The following CSMD3 variants were observed in gnomAD, a reference collection of about 807,000 sequenced individuals.
CSMD3 encodes CUB and sushi domain-containing protein 3.
A neutral mutation model predicts 435.2 loss-of-function variants in CSMD3; 177 were observed. That is an observed-to-expected ratio of 0.41 (90% CI 0.36 to 0.46). CSMD3 has a LOEUF of 0.46. Ranked by LOEUF, CSMD3 falls within the 20% of genes least tolerant of loss-of-function variation. CSMD3 has a pLI of 0.34. For synonymous variants in CSMD3, 1,656 were observed against 1,520.5 expected (o/e 1.09, Z -2.07); for missense variants, 4,265 against 4,504.6 (o/e 0.95, Z 1.52).
intron 3 of CSMD3, among the ~76,000 whole-genome samples, chr8:113,235,407 T>C (rs1270471435): frequency 6.6e-6 from 1 of 152,132 alleles, no homozygotes; most frequent in Admixed American, 6.6e-5. Context: ...TATTCCATAG[T>C]CATAGCCAGA....
intron 10 of CSMD3, among the ~76,000 whole-genome samples, chr8:112,894,149 A>T (rs762504867): frequency 6.6e-6 from 1 of 151,466 alleles, no homozygotes; most frequent in Non-Finnish European, 1.5e-5. Context: ...TTTACTTACC[A>T]CTTCAAGTTC....
intron 3 of CSMD3, among the ~76,000 whole-genome samples, chr8:113,206,513 T>C (rs2092772755): frequency 6.6e-6 from 1 of 152,124 alleles, no homozygotes. Flanking sequence ...CGATGATTCC[T>C]TAATTGGATG....
chr8:113,276,595 C>A (rs1320394496), intron 3 of CSMD3, among the ~76,000 whole-genome samples: 1 of 152,020 alleles, frequency 6.6e-6, no homozygotes, highest in Non-Finnish European at 1.5e-5. Flanking sequence ...TCCCCAAAAC[C>A]TTTGGATACA....
chr8:112,321,915 A>C lies in CSMD3; in HGVS notation c.7166-1934T>G, dbSNP rs140384281. ...TGGATAGTAATTAGGAATTTTGACA[A>C]TTGTTTTCCTGAACTTATACTTTAA... On this transcript the variant is annotated intron_variant, in intron 45 of 70. Coordinates refer to ENST00000297405, the MANE Select transcript of CSMD3 (RefSeq NM_198123.2). Among the ~76,000 whole-genome samples the C allele has an allele frequency of 1.5e-4, 22 of 151,444 alleles. 1 individual carries two copies. In the East Asian group the frequency reaches 4.1e-3, roughly 28 times the overall value.
At chr8:113,024,863 A>G (rs1397422285) in intron 5 of CSMD3, among the ~76,000 whole-genome samples, 3 of 152,134 alleles carry the variant, frequency 2.0e-5, no homozygotes, top group Non-Finnish European at 4.4e-5. Context: ...GTAATTTCTC[A>G]TCATCCACCC....
At chr8:113,405,543 T>C (rs1213771226) in intron 1 of CSMD3, among the ~76,000 whole-genome samples, 1 of 151,566 alleles carries the variant, frequency 6.6e-6, no homozygotes, top group East Asian at 1.9e-4. Context: ...CAAATTATAG[T>C]AATGAGAGGA....
intron 3 of CSMD3, among the ~76,000 whole-genome samples, chr8:113,188,631 G>A (rs916261265): frequency 1.3e-4 from 20 of 151,942 alleles, no homozygotes; most frequent in Admixed American, 4.6e-4. Flanking sequence ...CTAAAAGTAT[G>A]GGAGAAAATT....
chr8:113,402,051 A>G (rs982789097), intron 1 of CSMD3, among the ~76,000 whole-genome samples: 1 of 151,532 alleles, frequency 6.6e-6, no homozygotes, highest in Non-Finnish European at 1.5e-5. Flanking sequence ...AAATTCCTGT[A>G]AAGGTTTTTA....
At chr8:113,289,325 T>C (rs2093668313) in intron 2 of CSMD3, among the ~76,000 whole-genome samples, 1 of 151,790 alleles carries the variant, frequency 6.6e-6, no homozygotes, top group African/African-American at 2.4e-5. Context: ...AAACTTGGAG[T>C]ATTTGGGATA....
intron 54 of CSMD3, 143 bp from the exon 55 acceptor site, chr8:112,292,853 A>G (rs1291182307): frequency 2.7e-6 from 2 of 736,294 alleles, no homozygotes; most frequent in Non-Finnish European, 4.7e-6. Context: ...TACGGAAAGT[A>G]CATTTACTAA....
At chr8:113,401,290 C>T (rs942667666) in intron 1 of CSMD3, among the ~76,000 whole-genome samples, 3 of 151,454 alleles carry the variant, frequency 2.0e-5, no homozygotes, top group African/African-American at 7.3e-5. Flanking sequence ...TGAGCAGATT[C>T]CAAGAGATAA....
At chr8:112,746,318 C>T (rs1366593090) in intron 13 of CSMD3, among the ~76,000 whole-genome samples, 3 of 152,108 alleles carry the variant, frequency 2.0e-5, no homozygotes, top group Admixed American at 6.6e-5. Context: ...GCTTCCTGGT[C>T]TTGGTTTCTT....
chr8:112,650,074 T>C (rs2075085394), intron 19 of CSMD3, 87 bp downstream of exon 19: 5 of 953,062 alleles, frequency 5.2e-6, no homozygotes, highest in Non-Finnish European at 8.3e-6. Context: ...CTAAAATATT[T>C]ATAATTATGT....
At chr8:113,141,782 C>G (rs1468944986) in intron 4 of CSMD3, among the ~76,000 whole-genome samples, 1 of 150,872 alleles carries the variant, frequency 6.6e-6, no homozygotes, top group Non-Finnish European at 1.5e-5. Flanking sequence ...AATGCCCACC[C>G]TCTCCAGTCA....
chr8:113,278,053 A>G (rs1018793281), intron 3 of CSMD3, among the ~76,000 whole-genome samples: 5 of 151,934 alleles, frequency 3.3e-5, no homozygotes, highest in Admixed American at 6.6e-5. Context: ...TTTGATGCCA[A>G]CTGAGTTTGT....
chr8:112,869,497 T>C (rs1235823686), intron 10 of CSMD3, among the ~76,000 whole-genome samples: 1 of 152,140 alleles, frequency 6.6e-6, no homozygotes, highest in Non-Finnish European at 1.5e-5. Context: ...GGATCTAGAA[T>C]GAAATACCAT....
At chr8:112,311,256 A>G (rs1385561153) in intron 49 of CSMD3, 90 bp from the exon 50 acceptor site, 1 of 998,366 alleles carries the variant, frequency 1.0e-6, no homozygotes, top group African/African-American at 1.6e-5. Context: ...ACTAGTGCTT[A>G]AAAGTAGGTC....
At chr8:113,427,627 A>T (rs868705469) in intron 1 of CSMD3, among the ~76,000 whole-genome samples, 3 of 151,642 alleles carry the variant, frequency 2.0e-5, no homozygotes, top group Non-Finnish European at 4.4e-5. Flanking sequence ...GAAGATACAC[A>T]GCTACCCCTG....
chr8:112,768,830 A>T (rs1003404892), intron 13 of CSMD3, among the ~76,000 whole-genome samples: 1 of 151,902 alleles, frequency 6.6e-6, no homozygotes, highest in Non-Finnish European at 1.5e-5. Context: ...TCATAAAGCC[A>T]TTCCCATCAG....
Sources: gnomAD v4.1 joint callset for allele counts (sites outside exome capture counted in the v4.1 genomes callset) on GRCh38, gnomAD v4.1.1 for gene constraint, MANE v1.5 for transcripts, NCBI Gene and HGNC (gene_info 2026-07-23, HGNC 2026-07-21) for gene names.